Variants in MICAL2 observed in about 807,000 individuals in gnomAD.
MICAL2 encodes microtubule associated monooxygenase, calponin and LIM domain containing 2.
Under a neutral mutation model 127.3 loss-of-function variants are expected in MICAL2, and 77 were observed. That is an observed-to-expected ratio of 0.60 (90% confidence interval 0.50 to 0.73). MICAL2 has a LOEUF of 0.73. Among genes scored for constraint, MICAL2 ranks in the 30% least tolerant of loss-of-function variants. The pLI is 0.00. For synonymous variants in MICAL2, 570 were observed against 551.1 expected, an observed-to-expected ratio of 1.03 and a Z score of -0.48; for missense variants, 1,351 against 1,434.4, an observed-to-expected ratio of 0.94 and a Z score of 0.94.
chr11:12,292,021 T>G (rs1863909553), downstream of MICAL2: 4 of 1,245,250 alleles, frequency 3.2e-6, no homozygotes, highest in Admixed American at 6.7e-5. Flanking sequence ...AACCTCTGAG[T>G]CAGGCTCTGA....
At position 12,247,484 on chromosome 11, in the gene MICAL2, G is replaced by C. The variant is rs17480614; in HGVS notation, c.2785-1700G>C. ...GGAGGACCTCTTAGAATGGACTCTT[G>C]GGCAAGTCACTTAGCCTCTCTGTGC... On this transcript the variant is annotated intron_variant, in intron 21 of 27. Coordinates refer to ENST00000683283, the MANE Select transcript of MICAL2 (RefSeq NM_001282663.2). 2.0e-5 allele frequency among the ~76,000 whole-genome samples: 3 copies of C among 152,164 alleles called. No individual in the cohort carries two copies. The South Asian group carries it at 6.2e-4, about 31-fold the overall frequency.
chr11:12,292,279 T>C (rs759472658), downstream of MICAL2: 4 of 1,614,166 alleles, frequency 2.5e-6, no homozygotes, highest in Non-Finnish European at 3.4e-6. Context: ...ATGCTCCAGA[T>C]GGTTCCTCCC....
At chr11:12,226,819 AT>A (rs934190498) in intron 14 of MICAL2, among the ~76,000 whole-genome samples, 2 of 150,838 alleles carry the variant, frequency 1.3e-5, no homozygotes, top group African/African-American at 2.4e-5. Flanking sequence ...CGTCTGGCTA[AT>A]TTTTTTTGTA....
intron 2 of MICAL2, chr11:12,286,981 T>C: frequency 2.5e-6 from 1 of 397,516 alleles, no homozygotes; most frequent in East Asian, 3.6e-5. Flanking sequence ...CATTAGTCTA[T>C]TGACTTGTGG....
rs551009665 is a variant in MICAL2 at position 12,320,117 on chromosome 11, C to T, written c.5328+306C>T. Among the ~76,000 whole-genome samples the T allele has an allele frequency of 1.4e-4, 21 of 152,214 alleles. No homozygotes were observed. The South Asian group carries it at 2.3e-3, about 17-fold the overall frequency. Reference sequence around the variant, plus strand: ...ATATGTGGTCCAACAAGCAAACCATCGAAAACATTACAACAAGCAGATGCA... The same window carrying T: ...ATATGTGGTCCAACAAGCAAACCATTGAAAACATTACAACAAGCAGATGCA... On this transcript the variant is annotated intron_variant, in intron 30 of 34. Coordinates refer to the MICAL2 transcript ENST00000646065.
At chr11:12,235,120 T>C (rs1382918932) in intron 15 of MICAL2, among the ~76,000 whole-genome samples, 4 of 152,146 alleles carry the variant, frequency 2.6e-5, no homozygotes, top group Admixed American at 2.6e-4. Flanking sequence ...AGAGAGGTCT[T>C]ACCCCAGAAA....
chr11:12,319,220 G>T (rs1590735708), intron 29 of MICAL2, among the ~76,000 whole-genome samples: 1 of 152,222 alleles, frequency 6.6e-6, no homozygotes, highest in East Asian at 1.9e-4. Flanking sequence ...AAAAATGGGT[G>T]CCAGATGCTG....
At chr11:12,308,057 A>C (rs961422840) in intron 29 of MICAL2, 3 of 151,638 alleles carry the variant, frequency 2.0e-5, no homozygotes, top group African/African-American at 4.8e-5. Flanking sequence ...TAATTAAAAA[A>C]CAATTTTTTT....
intron 3 of MICAL2, among the ~76,000 whole-genome samples, chr11:12,171,810 T>C (rs1443533178): frequency 6.6e-6 from 1 of 152,234 alleles, no homozygotes; most frequent in Non-Finnish European, 1.5e-5. Flanking sequence ...TAAGCCCATA[T>C]ATAATGTTAA....
At chr11:12,122,789 T>C (rs1189184350) in intron 1 of MICAL2, among the ~76,000 whole-genome samples, 1 of 152,216 alleles carries the variant, frequency 6.6e-6, no homozygotes, top group Non-Finnish European at 1.5e-5. Flanking sequence ...CACCTTTCGC[T>C]TCCTGGTGAG....
At chr11:12,260,114 G>C in intron 26 of MICAL2, 3 of 1,535,626 alleles carry the variant, frequency 2.0e-6, no homozygotes, top group Non-Finnish European at 2.6e-6. Context: ...GAATCTGAGG[G>C]CTCCCTCGAG....
At chr11:12,219,528 C>CAAAA (rs11316414) in intron 8 of MICAL2, among the ~76,000 whole-genome samples, 2 of 48,606 alleles carry the variant, frequency 4.1e-5, no homozygotes, top group African/African-American at 1.6e-4. Flanking sequence ...AACTCCATCT[C>CAAAA]AAAAAAAAAA....
At chr11:12,235,610 T>C (rs55660926) in intron 15 of MICAL2, among the ~76,000 whole-genome samples, 4 of 152,348 alleles carry the variant, frequency 2.6e-5, no homozygotes, top group Non-Finnish European at 5.9e-5. Flanking sequence ...GGATCTGTGA[T>C]GGTGAGTGAA....
At chr11:12,290,372 C>T (rs1863881882), downstream of MICAL2, among the ~76,000 whole-genome samples, 1 of 152,112 alleles carries the variant, frequency 6.6e-6, no homozygotes, top group African/African-American at 2.4e-5. Flanking sequence ...GTGGCCCTGG[C>T]TTCCTGTCAG....
Position 12,227,126 on chromosome 11 carries a change from C to G in MICAL2, c.1990C>G (p.Pro664Ala). ...LNLTFPRKRTPRVDGQTGEND... is the reference protein window; with the variant it reads ...LNLTFPRKRTARVDGQTGEND... ...CCTCACATTTCCAAGGAAGAGGACT[C>G]CACGGGTAAGTTTTGGCCTGGTTTC... The change falls in exon 15 of 28, where the codon CCA becomes GCA. Residue 664 changes from proline to alanine, a missense_variant. Around this residue, in one of 2 missense-constraint regions of MICAL2, gnomAD observed 752 missense variants for 719.4 expected, o/e 1.05. Transcript: ENST00000683283. 6.2e-7 allele frequency: 1 copy of G among 1,611,464 alleles called. No individual in the cohort carries two copies. The highest frequency in any genetic ancestry group is 8.5e-7 in the Non-Finnish European group (1 of 1,177,808).
At chr11:12,266,957 A>T (rs994018854), downstream of MICAL2, among the ~76,000 whole-genome samples, 14 of 152,204 alleles carry the variant, frequency 9.2e-5, no homozygotes, top group African/African-American at 3.4e-4. Flanking sequence ...CCAGAGGAAA[A>T]CTTGTCGGGC....
chr11:12,343,554 G>A (rs1039969441), intron 32 of MICAL2, among the ~76,000 whole-genome samples: 1 of 152,094 alleles, frequency 6.6e-6, no homozygotes, highest in African/African-American at 2.4e-5. Flanking sequence ...TCTCTAACAG[G>A]CCAGATTTTA....
chr11:12,202,462 T>C (rs1854141619), intron 3 of MICAL2, among the ~76,000 whole-genome samples: 1 of 152,212 alleles, frequency 6.6e-6, no homozygotes, highest in Non-Finnish European at 1.5e-5. Flanking sequence ...TCCTTAGATT[T>C]GTTGTGAGGA....
At chr11:12,350,455 G>A (rs940074485) in intron 33 of MICAL2, among the ~76,000 whole-genome samples, 2 of 152,156 alleles carry the variant, frequency 1.3e-5, no homozygotes, top group African/African-American at 4.8e-5. Flanking sequence ...AAAGCTGAAG[G>A]TCACTATACC....
Sources: allele counts gnomAD v4.1 joint callset (sites outside exome capture counted in the v4.1 genomes callset), GRCh38; gene constraint gnomAD v4.1.1; regional missense constraint gnomAD v4.1.1; transcripts MANE v1.5; gene names NCBI Gene and HGNC (gene_info 2026-07-23, HGNC 2026-07-21).